Variants in PHLPP1 observed in about 807,000 individuals in gnomAD.
PHLPP1 encodes the protein PH domain and leucine rich repeat protein phosphatase 1.
A neutral mutation model predicts 117.2 loss-of-function variants in PHLPP1; 42 were observed. The observed-to-expected ratio is 0.36, with a 90% confidence interval of 0.28 to 0.46. PHLPP1 has a LOEUF of 0.46. Among genes scored for constraint, PHLPP1 ranks in the 20% least tolerant of loss-of-function variants. The pLI, the probability that PHLPP1 is intolerant of heterozygous loss-of-function variation, is 1.00. For missense variants in PHLPP1, 2,084 were observed against 2,241.9 expected, an observed-to-expected ratio of 0.93 and a Z score of 1.42; for synonymous variants, 1,042 against 970.7, an observed-to-expected ratio of 1.07 and a Z score of -1.37.
chr18:62,833,926 C>T (rs945885157), intron 2 of PHLPP1, among the ~76,000 whole-genome samples: 4 of 152,148 alleles, frequency 2.6e-5, no homozygotes, highest in African/African-American at 9.7e-5. Context: ...AGTTACTATG[C>T]TGAAGGGACA....
chr18:62,901,215 G>A (rs1030532562), intron 6 of PHLPP1, among the ~76,000 whole-genome samples: 1 of 152,172 alleles, frequency 6.6e-6, no homozygotes, highest in African/African-American at 2.4e-5. Flanking sequence ...TTGAAGTGTA[G>A]ATTGGGAAGA....
chr18:62,912,315 T>TA (rs1916977379), intron 8 of PHLPP1, among the ~76,000 whole-genome samples: 7 of 122,030 alleles, frequency 5.7e-5, no homozygotes, highest in African/African-American at 1.9e-4. Context: ...AAAAAAAAAA[T>TA]TAAAAAAAAA....
chr18:62,809,202 T>C (rs1379283018), intron 1 of PHLPP1, among the ~76,000 whole-genome samples: 6 of 152,254 alleles, frequency 3.9e-5, no homozygotes, highest in Admixed American at 3.9e-4. Context: ...TTCTATTCTT[T>C]CCACTTTCTT....
At chr18:62,724,600 T>C (rs1226917148) in intron 1 of PHLPP1, among the ~76,000 whole-genome samples, 4 of 152,216 alleles carry the variant, frequency 2.6e-5, no homozygotes, top group Non-Finnish European at 5.9e-5. Context: ...AGTGTTCTTT[T>C]TTTCCCACAC....
intron 11 of PHLPP1, among the ~76,000 whole-genome samples, chr18:62,944,798 A>G (rs1426993121): frequency 6.6e-6 from 1 of 152,216 alleles, no homozygotes; most frequent in African/African-American, 2.4e-5. Flanking sequence ...TGTTTTCATT[A>G]GTGTTCAGAC....
intron 3 of PHLPP1, 108 bp from the exon 4 acceptor site, chr18:62,860,327 T>C: frequency 1.1e-6 from 1 of 894,614 alleles, no homozygotes; most frequent in East Asian, 2.6e-5. Flanking sequence ...CTAACAGTGC[T>C]ACTTTCATAG....
chr18:62,812,033 A>G, intron 1 of PHLPP1, among the ~76,000 whole-genome samples: 1 of 152,210 alleles, frequency 6.6e-6, no homozygotes, highest in East Asian at 1.9e-4. Context: ...AGTAGAAAGT[A>G]AACTCTATAA....
At chr18:62,726,631 T>C (rs1326311820) in intron 1 of PHLPP1, among the ~76,000 whole-genome samples, 1 of 146,252 alleles carries the variant, frequency 6.8e-6, no homozygotes, top group South Asian at 2.2e-4. Context: ...TCACCCAGGC[T>C]GGAGTGCAGT....
At chr18:62,762,740 A>G (rs1031195838) in intron 1 of PHLPP1, among the ~76,000 whole-genome samples, 5 of 152,044 alleles carry the variant, frequency 3.3e-5, no homozygotes, top group African/African-American at 1.2e-4. Context: ...CGTGATTTTC[A>G]TGTAGATTTA....
At chr18:62,756,777 G>T (rs1306623693) in intron 1 of PHLPP1, among the ~76,000 whole-genome samples, 2 of 152,218 alleles carry the variant, frequency 1.3e-5, no homozygotes, top group African/African-American at 4.8e-5. Flanking sequence ...TTCTGAACCA[G>T]TTACCATGAT....
chr18:62,856,480 TGC>T (rs1230144092), intron 3 of PHLPP1, among the ~76,000 whole-genome samples: 1 of 152,134 alleles, frequency 6.6e-6, no homozygotes, highest in Non-Finnish European at 1.5e-5. Flanking sequence ...CAGGCTGGAG[TGC>T]AGTGGTGTGA....
intron 1 of PHLPP1, among the ~76,000 whole-genome samples, chr18:62,781,098 T>C (rs1270815931): frequency 1.3e-5 from 2 of 152,246 alleles, no homozygotes; most frequent in Non-Finnish European, 2.9e-5. Flanking sequence ...TTTGACTATT[T>C]GAGTTTGGGA....
At chr18:62,860,315 G>T (rs764505529) in intron 3 of PHLPP1, 120 bp from the exon 4 acceptor site, 173 of 801,580 alleles carry the variant, frequency 2.2e-4, no homozygotes, top group South Asian at 7.7e-4. Context: ...TTTATATTTG[G>T]ACTAACAGTG....
chr18:62,803,279 A>G (rs1245053778), intron 1 of PHLPP1, among the ~76,000 whole-genome samples: 1 of 152,160 alleles, frequency 6.6e-6, no homozygotes, highest in Non-Finnish European at 1.5e-5. Context: ...TATAACATAC[A>G]TTCAGAAAGG....
At chr18:62,790,502 A>G (rs1260649061) in intron 1 of PHLPP1, among the ~76,000 whole-genome samples, 3 of 152,248 alleles carry the variant, frequency 2.0e-5, no homozygotes, top group African/African-American at 7.2e-5. Flanking sequence ...GAAGTAAAAC[A>G]TATTGCCAAA....
intron 4 of PHLPP1, among the ~76,000 whole-genome samples, chr18:62,886,249 C>T (rs1916286639): frequency 6.6e-6 from 1 of 152,154 alleles, no homozygotes; most frequent in Non-Finnish European, 1.5e-5. Flanking sequence ...GAGGGCCCCA[C>T]CCTTGGCAAA....
chr18:62,937,122 G>C (rs1909997419), intron 10 of PHLPP1, among the ~76,000 whole-genome samples: 1 of 152,144 alleles, frequency 6.6e-6, no homozygotes, highest in African/African-American at 2.4e-5. Flanking sequence ...GTTTCTAAGA[G>C]AATTTGGCTG....
chr18:62,947,749 C>G (rs958105717), intron 12 of PHLPP1, among the ~76,000 whole-genome samples: 1 of 152,164 alleles, frequency 6.6e-6, no homozygotes, highest in Non-Finnish European at 1.5e-5. Flanking sequence ...AAATAGAGGC[C>G]TGGCTTGGTG....
At position 62,915,025 on chromosome 18, in the gene PHLPP1, A is replaced by G; in HGVS notation, c.2804+17A>G. On this transcript the variant is annotated intron_variant, in intron 9 of 16. Transcript: ENST00000262719. ...TCCTGCCCGGTGAGTATTACAGATC[A>G]AATGAGAGGATCTCACAATAAATGA... The G allele has an allele frequency of 2.0e-6, 3 of 1,532,750 alleles. No homozygotes were observed. Among genetic ancestry groups the G allele is most frequent in the Non-Finnish European group, 2.7e-6 (3 of 1,112,870 alleles). The allele number at this position is 1,532,750 out of a possible 1,614,324, so 94.9% of individuals were successfully genotyped here. A position where few individuals can be genotyped will look rare whatever the true frequency, so the allele number is the denominator to read the frequency against.
Sources: allele counts gnomAD v4.1 joint callset (sites outside exome capture counted in the v4.1 genomes callset), GRCh38; gene constraint gnomAD v4.1.1; transcripts MANE v1.5; gene names NCBI Gene and HGNC (gene_info 2026-07-23, HGNC 2026-07-21).